The following GSG1L variants were observed in gnomAD, a reference collection of about 807,000 sequenced individuals.
GSG1L encodes the protein GSG1 like.
In GSG1L, 24 loss-of-function variants were observed where a neutral mutation model predicts 42.1. That is an observed-to-expected ratio of 0.57 (90% CI 0.41 to 0.80). The LOEUF is 0.80. Among genes scored for constraint, GSG1L ranks in the 30% least tolerant of loss-of-function variants. GSG1L has a pLI of 0.00. For missense variants in GSG1L, 445 were observed against 472.2 expected (o/e 0.94, Z 0.53); for synonymous variants, 215 against 203.5 (o/e 1.06, Z -0.48).
chr16:27,966,404 C>T (rs1567538117), intron 1 of GSG1L, among the ~76,000 whole-genome samples: 1 of 152,150 alleles, frequency 6.6e-6, no homozygotes, highest in African/African-American at 2.4e-5. Context: ...ACTGGGGAGG[C>T]TGAGGCAGGA....
At chr16:27,797,842 A>AAG (rs1390134852) in intron 6 of GSG1L, among the ~76,000 whole-genome samples, 28 of 137,656 alleles carry the variant, frequency 2.0e-4, no homozygotes, top group African/African-American at 6.1e-4. Context: ...AAAAAAAAAA[A>AAG]AGAGAGAGAG....
At chr16:27,865,566 TATATATACACAC>T (rs1465405940) in intron 3 of GSG1L, among the ~76,000 whole-genome samples, 268 of 19,134 alleles carry the variant, frequency 0.014, 12 homozygotes, top group African/African-American at 0.057. Flanking sequence ...TATATATATA[TATATATACACAC>T]ACACATACAT....
intron 2 of GSG1L, among the ~76,000 whole-genome samples, chr16:27,896,221 G>A (rs144042237): frequency 6.6e-6 from 1 of 152,280 alleles, no homozygotes; most frequent in African/African-American, 2.4e-5. Flanking sequence ...GGGTGCTCAG[G>A]GTGGAGATGG....
chr16:27,852,422 A>G (rs1341730275), intron 3 of GSG1L, among the ~76,000 whole-genome samples: 3 of 150,046 alleles, frequency 2.0e-5, no homozygotes, highest in Non-Finnish European at 4.5e-5. Flanking sequence ...CAGGCTGGGC[A>G]CCTCTCGGTG....
intron 2 of GSG1L, among the ~76,000 whole-genome samples, chr16:27,947,530 A>G (rs1288427262): frequency 1.4e-5 from 2 of 146,610 alleles, no homozygotes. Flanking sequence ...AAAAAGAAAG[A>G]AAGAATGAAG....
At chr16:27,798,833 G>A (rs530976571) in intron 6 of GSG1L, among the ~76,000 whole-genome samples, 1 of 152,264 alleles carries the variant, frequency 6.6e-6, no homozygotes, top group African/African-American at 2.4e-5. Context: ...CCATGTCATA[G>A]CTTTAGCTTG....
At chr16:28,057,906 A>G (rs1490303390) in intron 1 of GSG1L, among the ~76,000 whole-genome samples, 1 of 152,222 alleles carries the variant, frequency 6.6e-6, no homozygotes, top group Non-Finnish European at 1.5e-5. Context: ...GGGTCATGGG[A>G]CAGGGCTCTG....
At chr16:28,028,996 G>A (rs145029349) in intron 1 of GSG1L, among the ~76,000 whole-genome samples, 237 of 152,268 alleles carry the variant, frequency 1.6e-3, no homozygotes, top group African/African-American at 5.1e-3. Context: ...GGCACCAGGC[G>A]ACCCACATCA....
At chr16:28,004,504 G>A (rs1274724988) in intron 1 of GSG1L, among the ~76,000 whole-genome samples, 1 of 151,698 alleles carries the variant, frequency 6.6e-6, no homozygotes, top group African/African-American at 2.4e-5. Context: ...GCCGGGCAGG[G>A]TAGCTTACAC....
intron 5 of GSG1L, among the ~76,000 whole-genome samples, chr16:27,818,391 AT>A (rs1373714746): frequency 2.6e-5 from 4 of 152,060 alleles, no homozygotes; most frequent in African/African-American, 9.7e-5. Context: ...CTGGCTGACG[AT>A]CCGATCACAT....
intron 6 of GSG1L, among the ~76,000 whole-genome samples, chr16:27,800,136 G>C (rs1363432510): frequency 1.3e-5 from 2 of 152,158 alleles, no homozygotes; most frequent in African/African-American, 2.4e-5. Flanking sequence ...CAAGCTGTGT[G>C]CCATCTGCGC....
chr16:27,853,945 C>T (rs1409945609), intron 3 of GSG1L, among the ~76,000 whole-genome samples: 2 of 152,090 alleles, frequency 1.3e-5, no homozygotes, highest in Non-Finnish European at 2.9e-5. Flanking sequence ...TCCCTGTTCC[C>T]CTTGTCATTT....
intron 1 of GSG1L, among the ~76,000 whole-genome samples, chr16:28,057,311 G>A (rs1487169076): frequency 2.0e-5 from 3 of 152,144 alleles, no homozygotes; most frequent in Non-Finnish European, 2.9e-5. Flanking sequence ...GACGCACTGG[G>A]TTCTGATTGA....
At chr16:27,865,266 C>T (rs1296506438) in intron 3 of GSG1L, among the ~76,000 whole-genome samples, 1 of 152,090 alleles carries the variant, frequency 6.6e-6, no homozygotes, top group Non-Finnish European at 1.5e-5. Flanking sequence ...AACTCCTGAC[C>T]TGGTCCTTGG....
chr16:27,915,835 G>A (rs2141057478), intron 2 of GSG1L, among the ~76,000 whole-genome samples: 1 of 152,248 alleles, frequency 6.6e-6, no homozygotes, highest in South Asian at 2.1e-4. Flanking sequence ...GGTAGCGGCA[G>A]CCACAGCAGA....
chr16:27,862,189 T>G (rs746016036), intron 3 of GSG1L, among the ~76,000 whole-genome samples: 1 of 152,198 alleles, frequency 6.6e-6, no homozygotes, highest in Non-Finnish European at 1.5e-5. Flanking sequence ...TACATAAGAT[T>G]GTGACACTTC....
At chr16:27,850,023 C>CTTTTG (rs1555503936) in intron 3 of GSG1L, among the ~76,000 whole-genome samples, 3 of 70,068 alleles carry the variant, frequency 4.3e-5, no homozygotes, top group African/African-American at 6.5e-5. Flanking sequence ...TTTGAAATGC[C>CTTTTG]TTTTTTTTTT....
intron 4 of GSG1L, among the ~76,000 whole-genome samples, chr16:27,835,284 G>C (rs1289170705): frequency 6.6e-6 from 1 of 152,030 alleles, no homozygotes; most frequent in African/African-American, 2.4e-5. Flanking sequence ...TTATTTGCCT[G>C]AGTCTACTTT....
chr16:27,816,839 G>A (rs1193856874), intron 5 of GSG1L, among the ~76,000 whole-genome samples: 1 of 152,184 alleles, frequency 6.6e-6, no homozygotes, highest in Non-Finnish European at 1.5e-5. Context: ...ACTCCCAGCA[G>A]GCAGGGGATT....
Sources: gnomAD v4.1 joint callset for allele counts (sites outside exome capture counted in the v4.1 genomes callset) on GRCh38, gnomAD v4.1.1 for gene constraint, MANE v1.5 for transcripts, NCBI Gene and HGNC (gene_info 2026-07-23, HGNC 2026-07-21) for gene names.